IGF2BP3: variants seen among roughly 807,000 people sequenced by gnomAD.
The protein encoded by IGF2BP3 is insulin-like growth factor 2 mRNA-binding protein 3.
In IGF2BP3, 9 loss-of-function variants were observed where a neutral mutation model predicts 73.8. That is an observed-to-expected ratio of 0.12 (90% CI 0.07 to 0.21). The LOEUF (loss-of-function observed/expected upper bound fraction) is 0.21. IGF2BP3 is among the 10% of genes least tolerant of loss of function. IGF2BP3 has a pLI of 1.00. For missense variants in IGF2BP3, 542 were observed against 714.0 expected (o/e 0.76, Z 2.75); for synonymous variants, 258 against 256.7 (o/e 1.01, Z -0.05).
At chr7:23,341,432 G>A (rs1313100182) in intron 10 of IGF2BP3, among the ~76,000 whole-genome samples, 20 of 152,176 alleles carry the variant, frequency 1.3e-4, no homozygotes, top group Admixed American at 7.2e-4. Context: ...TTGAGAGGCC[G>A]AGGCAGGCAG....
intron 10 of IGF2BP3, among the ~76,000 whole-genome samples, chr7:23,321,905 C>G (rs1378087914): frequency 2.0e-5 from 3 of 152,154 alleles, no homozygotes; most frequent in African/African-American, 7.2e-5. Context: ...GGGACATCCA[C>G]ACCAAAAACC....
At chr7:23,400,883 T>A (rs1295540145) in intron 3 of IGF2BP3, among the ~76,000 whole-genome samples, 2 of 152,246 alleles carry the variant, frequency 1.3e-5, no homozygotes, top group African/African-American at 2.4e-5. Flanking sequence ...CACTGCAGTA[T>A]CCACCTCCTG....
At chr7:23,395,786 C>A (rs1282774994) in intron 3 of IGF2BP3, among the ~76,000 whole-genome samples, 1 of 151,776 alleles carries the variant, frequency 6.6e-6, no homozygotes, top group South Asian at 2.1e-4. Context: ...ATTAGCTGGG[C>A]GTGGTGACAG....
At chr7:23,389,040 C>T (rs1014714084) in intron 3 of IGF2BP3, among the ~76,000 whole-genome samples, 4 of 152,062 alleles carry the variant, frequency 2.6e-5, no homozygotes, top group Non-Finnish European at 5.9e-5. Context: ...CTTATCAAAA[C>T]GTGCACTTTA....
intron 3 of IGF2BP3, among the ~76,000 whole-genome samples, chr7:23,400,620 A>G (rs918120346): frequency 1.3e-5 from 2 of 152,204 alleles, no homozygotes; most frequent in Non-Finnish European, 2.9e-5. Flanking sequence ...AGAAATACTT[A>G]GATGCCCAAG....
At chr7:23,376,295 G>A (rs548593110) in intron 3 of IGF2BP3, among the ~76,000 whole-genome samples, 52 of 148,186 alleles carry the variant, frequency 3.5e-4, no homozygotes, top group African/African-American at 1.2e-3. Context: ...GGTGGCTCAC[G>A]CCTGTAATCC....
At chr7:23,423,218 A>G (rs1787401164) in intron 2 of IGF2BP3, among the ~76,000 whole-genome samples, 1 of 152,250 alleles carries the variant, frequency 6.6e-6, no homozygotes. Flanking sequence ...CATTAACAAG[A>G]ATGAACCAAA....
intron 3 of IGF2BP3, among the ~76,000 whole-genome samples, chr7:23,410,998 T>A (rs1787000092): frequency 6.6e-6 from 1 of 152,174 alleles, no homozygotes; most frequent in African/African-American, 2.4e-5. Flanking sequence ...AAGTGCCTAG[T>A]ACGTGTCAGC....
chr7:23,443,057 A>C (rs1185521482), intron 2 of IGF2BP3, among the ~76,000 whole-genome samples: 5 of 151,902 alleles, frequency 3.3e-5, no homozygotes, highest in African/African-American at 1.2e-4. Context: ...CCACAACCAA[A>C]AGTAAACCGT....
At chr7:23,452,486 T>C (rs192353948) in intron 2 of IGF2BP3, among the ~76,000 whole-genome samples, 11 of 152,300 alleles carry the variant, frequency 7.2e-5, no homozygotes, top group Non-Finnish European at 1.5e-5. Context: ...AGTTGAACAT[T>C]AAAGTGCTTA....
At chr7:23,411,564 A>T (rs559975730) in intron 3 of IGF2BP3, among the ~76,000 whole-genome samples, 1 of 152,332 alleles carries the variant, frequency 6.6e-6, no homozygotes, top group South Asian at 2.1e-4. Context: ...CTGGGCAACA[A>T]GTGTGAAATG....
At position 23,470,274 on chromosome 7, in the gene IGF2BP3, G is replaced by T. The variant is rs746692541; in HGVS notation, c.-164C>A. ...CACAAGAACGAGGAGTGAAAAATCA[G>T]ATCCGAGGCTTGTTTTTTCCTTGTC... On this transcript the variant is annotated 5_prime_UTR_variant, in exon 1 of 15. The change creates a new upstream start codon in the 5' untranslated region. Coordinates refer to ENST00000258729, the MANE Select transcript of IGF2BP3 (RefSeq NM_006547.3). The T allele has an allele frequency of 2.1e-5, 11 of 524,904 alleles. No individual in the cohort carries two copies. The highest frequency in any genetic ancestry group is 3.7e-5 in the Non-Finnish European group (11 of 300,402). 32.5% of individuals were successfully genotyped at this position (524,904 alleles called of 1,614,324 possible).
Position 23,319,268 on chromosome 7 carries a change from A to C in IGF2BP3, c.1204-14T>G. The C allele has an allele frequency of 2.0e-6, 3 of 1,525,464 alleles. No individual in the cohort carries two copies. Among genetic ancestry groups the C allele is most frequent in the Non-Finnish European group, 2.7e-6 (3 of 1,105,434 alleles). 94.5% of individuals were successfully genotyped at this position (1,525,464 alleles called of 1,614,324 possible). The stretch of plus-strand genomic sequence containing the variant: ...CGTTTCTGATTGCTGTTAGAAAAGA[A>C]AGCCAGGACACCCATGTTTATTTGC... On this transcript the variant is annotated splice_polypyrimidine_tract_variant and intron_variant, in intron 10 of 14. Transcript: ENST00000258729.
intron 2 of IGF2BP3, among the ~76,000 whole-genome samples, chr7:23,455,403 A>G (rs1788293100): frequency 1.3e-5 from 2 of 152,258 alleles, no homozygotes; most frequent in South Asian, 4.1e-4. Flanking sequence ...GCACACGGTT[A>G]TTAGCCTCTG....
At chr7:23,382,367 G>C (rs367813686) in intron 3 of IGF2BP3, among the ~76,000 whole-genome samples, 3 of 151,486 alleles carry the variant, frequency 2.0e-5, no homozygotes, top group Non-Finnish European at 4.4e-5. Flanking sequence ...TGTAGTTTGA[G>C]TAAAATGAAA....
intron 2 of IGF2BP3, among the ~76,000 whole-genome samples, chr7:23,443,212 G>A (rs986908973): frequency 1.5e-5 from 2 of 136,480 alleles, no homozygotes; most frequent in African/African-American, 5.5e-5. Context: ...TGTAAACTCC[G>A]CCTCCCAGGT....
chr7:23,327,723 T>TTA (rs1583889568), intron 10 of IGF2BP3, among the ~76,000 whole-genome samples: 2 of 152,286 alleles, frequency 1.3e-5, no homozygotes, highest in East Asian at 3.9e-4. Context: ...TCTGACAGCT[T>TTA]TACTAGATGT....
chr7:23,352,469 A>G (rs1408484686), intron 5 of IGF2BP3, among the ~76,000 whole-genome samples: 2 of 151,814 alleles, frequency 1.3e-5, no homozygotes, highest in African/African-American at 2.4e-5. Context: ...TTGTATTTTT[A>G]GTAGAGATGG....
intron 10 of IGF2BP3, among the ~76,000 whole-genome samples, chr7:23,328,154 A>G (rs954429347): frequency 1.1e-4 from 17 of 152,172 alleles, no homozygotes; most frequent in Non-Finnish European, 1.3e-4. Context: ...TTTTTCAAGA[A>G]AAATCTCAAC....
Sources: gnomAD v4.1 joint callset for allele counts (sites outside exome capture counted in the v4.1 genomes callset) on GRCh38, gnomAD v4.1.1 for gene constraint, MANE v1.5 for transcripts, NCBI Gene and HGNC (gene_info 2026-07-23, HGNC 2026-07-21) for gene names.